PI4KA: variants seen among roughly 807,000 people sequenced by gnomAD.
PI4KA encodes phosphatidylinositol 4-kinase alpha, also known as PI4-kinase alpha.
In PI4KA, 122 loss-of-function variants were observed where a neutral mutation model predicts 271.4. That is an observed-to-expected ratio of 0.45 (90% CI 0.39 to 0.52). The LOEUF (loss-of-function observed/expected upper bound fraction) is 0.52, where lower values mean the gene tolerates loss of function less well. Ranked by LOEUF, PI4KA falls within the 20% of genes least tolerant of loss-of-function variation. PI4KA has a pLI of 0.00. For missense variants in PI4KA, 1,969 were observed against 2,769.1 expected (o/e 0.71, Z 6.48); for synonymous variants, 1,041 against 1,078.8 (o/e 0.96, Z 0.69).
At chr22:20,794,262 T>C (rs1934840431) in intron 18 of PI4KA, among the ~76,000 whole-genome samples, 1 of 152,220 alleles carries the variant, frequency 6.6e-6, no homozygotes, top group Non-Finnish European at 1.5e-5. Context: ...TTATAGCTCC[T>C]TGTCCTCCAC....
intron 1 of PI4KA, among the ~76,000 whole-genome samples, chr22:20,844,885 T>C (rs1218977423): frequency 4.6e-5 from 7 of 152,196 alleles, no homozygotes. Flanking sequence ...CTCTAGTCTT[T>C]GAAAAAATGA....
At position 20,796,261 on chromosome 22, in the gene PI4KA, T is replaced by A; in HGVS notation, c.2162A>T (p.Gln721Leu). Residue 721 changes from glutamine to leucine, a missense_variant, in exon 18 of 55, where the codon CAA becomes CTA. Transcript: ENST00000255882. The stretch of plus-strand genomic sequence containing the variant: ...CAGCTCATCCACCAGGTGCTCGTCT[T>A]GGATGTTGGCCGCGATGTTGGCCAG... ...NALANIAANI[Q>L]DEHLVDELLM... is the part of the protein sequence containing the mutation. 1 of 1,614,048 alleles carries A rather than the reference T, an allele frequency of 6.2e-7. No homozygotes were observed.
chr22:20,858,141 G>A (rs184751994), intron 1 of PI4KA, among the ~76,000 whole-genome samples: 1 of 152,308 alleles, frequency 6.6e-6, no homozygotes, highest in African/African-American at 2.4e-5. Flanking sequence ...CATTTTACAA[G>A]AAAGCCATCT....
At chr22:20,738,712 T>C (rs1051663140) in intron 32 of PI4KA, among the ~76,000 whole-genome samples, 2 of 151,844 alleles carry the variant, frequency 1.3e-5, no homozygotes, top group African/African-American at 2.4e-5. Flanking sequence ...CTGGAGATGG[T>C]AGGAGCAGGA....
At chr22:20,767,306 T>C (rs1932623588) in intron 19 of PI4KA, among the ~76,000 whole-genome samples, 1 of 151,798 alleles carries the variant, frequency 6.6e-6, no homozygotes, top group African/African-American at 2.4e-5. Flanking sequence ...TAGCCGGGCG[T>C]GGTGGCAGGC....
At chr22:20,767,667 C>T (rs1932656897) in intron 19 of PI4KA, among the ~76,000 whole-genome samples, 1 of 151,568 alleles carries the variant, frequency 6.6e-6, no homozygotes, top group Non-Finnish European at 1.5e-5. Flanking sequence ...TGGAGTCTTG[C>T]TCTGTCGCCC....
intron 32 of PI4KA, among the ~76,000 whole-genome samples, chr22:20,741,127 A>T (rs1421690459): frequency 1.3e-5 from 2 of 152,238 alleles, no homozygotes; most frequent in African/African-American, 4.8e-5. Flanking sequence ...AAATATGAAA[A>T]CAGGACACAA....
chr22:20,777,668 G>A (rs1015291507), intron 19 of PI4KA, among the ~76,000 whole-genome samples: 3 of 152,208 alleles, frequency 2.0e-5, no homozygotes, highest in Non-Finnish European at 2.9e-5. Flanking sequence ...TCTTTCTGGG[G>A]TGATTAGAAG....
intron 32 of PI4KA, among the ~76,000 whole-genome samples, chr22:20,741,038 C>A (rs1568975902): frequency 6.6e-6 from 1 of 152,150 alleles, no homozygotes; most frequent in Non-Finnish European, 1.5e-5. Flanking sequence ...TGTAACAAAG[C>A]CTTGTCTTAA....
At chr22:20,851,330 GT>G (rs1341609712) in intron 1 of PI4KA, among the ~76,000 whole-genome samples, 1 of 151,574 alleles carries the variant, frequency 6.6e-6, no homozygotes, top group Non-Finnish European at 1.5e-5. Flanking sequence ...ATAGCCTTGG[GT>G]TTTTTTTGTT....
chr22:20,727,259 C>T lies in PI4KA; in HGVS notation c.4912G>A (p.Gly1638Arg), dbSNP rs1927465374. The T allele has an allele frequency of 3.1e-6, 5 of 1,613,110 alleles. No homozygotes were observed. The highest frequency in any genetic ancestry group is 1.7e-5 in the Admixed American group (1 of 59,796). Reference protein sequence around the residue: ...YPPHPLTAQYGVKVLRSFPPD... With the variant: ...YPPHPLTAQYRVKVLRSFPPD... ...GGGAAGGACCGCAGGACTTTCACCC[C>T]GTACTGCGCCGTGAGAGGGTGCGGC... The change falls in exon 41 of 55, where the codon GGG becomes AGG. Residue 1638 changes from glycine to arginine, a missense_variant. By Grantham distance (125) the Gly-to-Arg change is moderately radical. Transcript: ENST00000255882.
At position 20,742,221 on chromosome 22, in the gene PI4KA, G is replaced by A. The variant is rs756604212; in HGVS notation, c.3741+7C>T. 6.2e-7 allele frequency: 1 copy of A among 1,613,536 alleles called. No individual in the cohort carries two copies. Among genetic ancestry groups the A allele is most frequent in the Non-Finnish European group, 8.5e-7 (1 of 1,179,724 alleles). ...TCCTCACTGCCAACCCGAGGTCAGG[G>A]TCCTACCGGCACTTCCACTCCATCC... On this transcript the variant is annotated splice_region_variant and intron_variant, in intron 32 of 54. Transcript: ENST00000255882.
intron 19 of PI4KA, chr22:20,784,025 C>T: frequency 6.2e-7 from 1 of 1,614,152 alleles, no homozygotes; most frequent in African/African-American, 1.3e-5. Context: ...CAACTTCCGG[C>T]TGAATGAGAG....
intron 23 of PI4KA, among the ~76,000 whole-genome samples, chr22:20,755,532 G>A (rs988425505): frequency 6.6e-6 from 1 of 152,200 alleles, no homozygotes; most frequent in Non-Finnish European, 1.5e-5. Flanking sequence ...TGGGCACAGT[G>A]GCTCATGCCT....
intron 54 of PI4KA, among the ~76,000 whole-genome samples, chr22:20,708,402 T>G (rs1230633868): frequency 6.6e-6 from 1 of 150,942 alleles, no homozygotes; most frequent in African/African-American, 2.4e-5. Flanking sequence ...GTCTGTACGC[T>G]CTCCTCGCAC....
At chr22:20,755,571 C>T (rs1056287559) in intron 23 of PI4KA, among the ~76,000 whole-genome samples, 5 of 152,166 alleles carry the variant, frequency 3.3e-5, no homozygotes, top group Non-Finnish European at 5.9e-5. Context: ...GAGGCTGAGG[C>T]GGGTGGATCA....
intron 52 of PI4KA, 31 bp from the exon 53 acceptor site, chr22:20,710,028 G>A (rs576927250): frequency 7.0e-7 from 1 of 1,431,954 alleles, no homozygotes; most frequent in African/African-American, 1.4e-5. Context: ...GCGGTGGGCT[G>A]AGGCCAGCCT....
At position 20,813,484 on chromosome 22, in the gene PI4KA, A is replaced by G. The variant is rs747512765; in HGVS notation, c.879T>C (p.Thr293=). 1 of 1,613,930 alleles carries G rather than the reference A, an allele frequency of 6.2e-7. No homozygotes were observed. The highest frequency in any genetic ancestry group is 1.7e-5 in the Admixed American group (1 of 59,976). Reference sequence around the variant, plus strand: ...AAAAGTAGTACTCAGGCTCTAGGGCAGTCCCATCGGGCAAGCAGGAGGCTG... The same window carrying G: ...AAAAGTAGTACTCAGGCTCTAGGGCGGTCCCATCGGGCAAGCAGGAGGCTG... ...YFEASCLPDG[T]ALEPEYYFST... The change falls in exon 8 of 55, where the codon ACT becomes ACC. Residue 293 remains threonine, a synonymous_variant. Coordinates refer to ENST00000255882, the MANE Select transcript of PI4KA (RefSeq NM_058004.4).
intron 9 of PI4KA, 78 bp downstream of exon 9, chr22:20,810,889 C>G (rs189236959): frequency 1.2e-5 from 13 of 1,086,670 alleles, no homozygotes; most frequent in African/African-American, 4.6e-5. Context: ...CTCCAGCCCC[C>G]GCTCAAACTC....
Sources: gnomAD v4.1 joint callset for allele counts (sites outside exome capture counted in the v4.1 genomes callset) on GRCh38, gnomAD v4.1.1 for gene constraint, MANE v1.5 for transcripts, NCBI Gene and HGNC (gene_info 2026-07-23, HGNC 2026-07-21) for gene names.